The following C8orf34 variants were observed in gnomAD, a reference collection of about 807,000 sequenced individuals.
C8orf34 encodes the protein uncharacterized protein C8orf34.
In C8orf34, 65 loss-of-function variants were observed where a neutral mutation model predicts 68.3. That is an observed-to-expected ratio of 0.95 (90% CI 0.78 to 1.17). The LOEUF (loss-of-function observed/expected upper bound fraction) is 1.17. Among genes scored for constraint, C8orf34 ranks in the 50% most tolerant of loss-of-function variants. C8orf34 has a pLI of 0.00. For missense variants in C8orf34, 664 were observed against 655.4 expected (o/e 1.01, Z -0.14); for synonymous variants, 244 against 241.2 (o/e 1.01, Z -0.11).
At chr8:68,458,301 G>C (rs1469060226) in intron 3 of C8orf34, among the ~76,000 whole-genome samples, 1 of 152,136 alleles carries the variant, frequency 6.6e-6, no homozygotes, top group Non-Finnish European at 1.5e-5. Context: ...TCATGATTCT[G>C]TATGTAGACT....
intron 8 of C8orf34, among the ~76,000 whole-genome samples, chr8:68,696,249 T>A (rs1820831227): frequency 6.8e-6 from 1 of 148,030 alleles, no homozygotes. Context: ...AATAAAATAC[T>A]GTTCATATAA....
At chr8:68,538,609 A>AT (rs1173417007) in intron 7 of C8orf34, among the ~76,000 whole-genome samples, 1 of 152,162 alleles carries the variant, frequency 6.6e-6, no homozygotes, top group Non-Finnish European at 1.5e-5. Flanking sequence ...GGAAAAAAAA[A>AT]GCTTTCTTTA....
At chr8:68,670,114 T>A (rs777024999) in intron 8 of C8orf34, among the ~76,000 whole-genome samples, 2 of 152,176 alleles carry the variant, frequency 1.3e-5, no homozygotes, top group Non-Finnish European at 2.9e-5. Flanking sequence ...ATAGGTTAGA[T>A]CCCTAGATAT....
intron 8 of C8orf34, among the ~76,000 whole-genome samples, chr8:68,697,852 G>A (rs567892743): frequency 5.3e-5 from 8 of 152,062 alleles, no homozygotes; most frequent in Admixed American, 2.0e-4. Context: ...ACAGATAAAT[G>A]AGTTATAAAA....
At position 68,625,351 on chromosome 8, in the gene C8orf34, T is replaced by C; in HGVS notation, c.1106-15025T>C. 1.1e-5 allele frequency: 5 copies of C among 437,778 alleles called. No individual in the cohort carries two copies. The Middle Eastern group carries it at 1.1e-3, about 96-fold the overall frequency. 27.1% of individuals were successfully genotyped at this position (437,778 alleles called of 1,614,324 possible). ...TTCTCTTATCACCAAATACTCACTT[T>C]TAGGAAATTCAAAATATGTATCTAA... On this transcript the variant is annotated intron_variant, in intron 7 of 13. Transcript: ENST00000518698.
intron 11 of C8orf34, among the ~76,000 whole-genome samples, chr8:68,780,543 A>G (rs1218445419): frequency 1.3e-5 from 2 of 152,166 alleles, no homozygotes; most frequent in African/African-American, 4.8e-5. Context: ...ATTTTCCCAG[A>G]TTCTATTAAT....
intron 7 of C8orf34, among the ~76,000 whole-genome samples, chr8:68,549,176 C>A (rs1815983267): frequency 6.6e-6 from 1 of 151,656 alleles, no homozygotes; most frequent in Non-Finnish European, 1.5e-5. Context: ...AAAAACTGAC[C>A]ATTTTGGCAC....
At chr8:68,490,099 C>T (rs939095575) in intron 5 of C8orf34, among the ~76,000 whole-genome samples, 3 of 152,120 alleles carry the variant, frequency 2.0e-5, no homozygotes, top group Non-Finnish European at 4.4e-5. Flanking sequence ...TTGTCTCACC[C>T]CAGCTGGTCT....
At chr8:68,676,163 A>C (rs1461030533) in intron 8 of C8orf34, among the ~76,000 whole-genome samples, 1 of 152,096 alleles carries the variant, frequency 6.6e-6, no homozygotes, top group African/African-American at 2.4e-5. Flanking sequence ...GTGAAACCCC[A>C]TCTCTACAAA....
rs73683722 is a variant in C8orf34 at position 68,782,137 on chromosome 8, T to C, written c.1456-5306T>C. Among the ~76,000 whole-genome samples the C allele has an allele frequency of 2.9e-3, 436 of 152,344 alleles. 2 individuals are homozygous for C. The highest frequency in any genetic ancestry group is 0.01 in the African/African-American group (416 of 41,586). ...TAAAGGAATCACTTCCGCAATTTCA[T>C]TTTCCCTTATGTATCCAAAATGTCT... On this transcript the variant is annotated intron_variant, in intron 11 of 13. Coordinates refer to ENST00000518698, the MANE Select transcript of C8orf34 (RefSeq NM_052958.4).
intron 1 of C8orf34, among the ~76,000 whole-genome samples, chr8:68,435,625 C>T (rs1810631228): frequency 6.6e-6 from 1 of 152,190 alleles, no homozygotes; most frequent in Admixed American, 6.6e-5. Context: ...CTGCATTCAA[C>T]TCCGAAGATT....
At chr8:68,389,517 T>A (rs750254126) in intron 1 of C8orf34, among the ~76,000 whole-genome samples, 35 of 152,260 alleles carry the variant, frequency 2.3e-4, no homozygotes, top group Middle Eastern at 3.4e-3. Context: ...ATGGGCACAT[T>A]TTAAGCACCT....
intron 7 of C8orf34, among the ~76,000 whole-genome samples, chr8:68,562,395 G>A (rs1816459182): frequency 1.3e-5 from 2 of 152,184 alleles, no homozygotes; most frequent in South Asian, 2.1e-4. Context: ...CTAAGTCTAA[G>A]AAGGGATTTA....
intron 7 of C8orf34, among the ~76,000 whole-genome samples, chr8:68,556,637 T>C (rs944645122): frequency 3.3e-5 from 5 of 152,104 alleles, no homozygotes; most frequent in African/African-American, 1.2e-4. Context: ...TGAGGCCTGC[T>C]GGAGAGGACG....
At chr8:68,357,188 C>T (rs1196133155) in intron 1 of C8orf34, among the ~76,000 whole-genome samples, 1 of 151,926 alleles carries the variant, frequency 6.6e-6, no homozygotes, top group Non-Finnish European at 1.5e-5. Flanking sequence ...CAGCTACAGC[C>T]TATTAGGTAT....
intron 7 of C8orf34, chr8:68,533,547 T>G: frequency 2.0e-6 from 2 of 986,562 alleles, no homozygotes; most frequent in Non-Finnish European, 2.4e-6. Context: ...ATGTCTACCT[T>G]TTATTTTGAG....
chr8:68,737,784 G>A (rs570654580), intron 10 of C8orf34, among the ~76,000 whole-genome samples: 1 of 152,116 alleles, frequency 6.6e-6, no homozygotes, highest in South Asian at 2.1e-4. Context: ...AGTTCTGAGA[G>A]ACCTTCAAAG....
intron 11 of C8orf34, among the ~76,000 whole-genome samples, chr8:68,777,130 C>G (rs536535834): frequency 1.3e-5 from 2 of 152,272 alleles, no homozygotes; most frequent in Admixed American, 6.5e-5. Context: ...AACTGGGAAA[C>G]AGTTTGGTGA....
At chr8:68,347,202 GA>G (rs1806319955) in intron 1 of C8orf34, among the ~76,000 whole-genome samples, 1 of 151,958 alleles carries the variant, frequency 6.6e-6, no homozygotes, top group Non-Finnish European at 1.5e-5. Context: ...TTATAGATGA[GA>G]ACATGTGGTA....
Sources: gnomAD v4.1 joint callset for allele counts (sites outside exome capture counted in the v4.1 genomes callset) on GRCh38, gnomAD v4.1.1 for gene constraint, MANE v1.5 for transcripts, NCBI Gene and HGNC (gene_info 2026-07-23, HGNC 2026-07-21) for gene names.